Variants in FMNL2 observed in about 807,000 individuals in gnomAD.
The protein encoded by FMNL2 is formin like 2.
FMNL2 carries 51 observed loss-of-function variants against 130.2 expected under a neutral mutation model. The ratio of observed to expected loss-of-function variants is 0.39; its 90% CI spans 0.31 to 0.49. The LOEUF (loss-of-function observed/expected upper bound fraction) is 0.49, where lower values mean the gene tolerates loss of function less well. FMNL2 is among the 20% of genes least tolerant of loss of function. FMNL2 has a pLI of 0.85. For synonymous variants in FMNL2, 465 were observed against 467.1 expected (o/e 1.00, Z 0.06); for missense variants, 977 against 1,316.2 (o/e 0.74, Z 3.99).
At chr2:152,353,978 C>A (rs561819479) in intron 1 of FMNL2, among the ~76,000 whole-genome samples, 3 of 152,170 alleles carry the variant, frequency 2.0e-5, no homozygotes, top group Non-Finnish European at 4.4e-5. Flanking sequence ...TACCTACTGA[C>A]CTTCTGTGAT....
chr2:152,436,748 T>C (rs190700650), intron 1 of FMNL2, among the ~76,000 whole-genome samples: 25 of 152,186 alleles, frequency 1.6e-4, no homozygotes, highest in African/African-American at 5.8e-4. Flanking sequence ...CATCTAGTAA[T>C]TGATAGAAAT....
chr2:152,448,848 T>G (rs1688490044), intron 1 of FMNL2, among the ~76,000 whole-genome samples: 2 of 152,256 alleles, frequency 1.3e-5, no homozygotes, highest in African/African-American at 4.8e-5. Flanking sequence ...GCTGATTACA[T>G]GCGTGTGTCC....
intron 4 of FMNL2, 81 bp downstream of exon 4, chr2:152,549,178 G>T: frequency 1.1e-6 from 1 of 932,290 alleles, no homozygotes; most frequent in Non-Finnish European, 1.6e-6. Flanking sequence ...AAAGAATTGA[G>T]CTTCCTTATG....
rs76669193 is a variant in FMNL2 at position 152,589,306 on chromosome 2, T to TA, written c.876+8264dup. ...CTCTATTTTAAATGTAGCAGCCACT[T>TA]AAAAAAACAAACAAAAAAAACAACA... On this transcript the variant is annotated intron_variant, in intron 9 of 25. Coordinates refer to ENST00000288670, the MANE Select transcript of FMNL2 (RefSeq NM_052905.4). Among the ~76,000 whole-genome samples, 1,458 of 141,360 alleles carry TA rather than the reference T, an allele frequency of 0.01. 72 individuals are homozygous for TA. The East Asian group carries it at 0.12, about 12-fold the overall frequency. 92.7% of individuals were successfully genotyped at this position (141,360 alleles called of 152,430 possible). A position where few individuals can be genotyped will look rare whatever the true frequency, so the allele number is the denominator to read the frequency against.
intron 1 of FMNL2, among the ~76,000 whole-genome samples, chr2:152,492,553 C>G (rs1691272934): frequency 6.6e-6 from 1 of 152,008 alleles, no homozygotes; most frequent in Non-Finnish European, 1.5e-5. Context: ...GCATTTTTAT[C>G]TAAGGCTTTG....
intron 15 of FMNL2, chr2:152,625,150 C>T (rs1341679993): frequency 1.2e-5 from 4 of 332,906 alleles, no homozygotes; most frequent in African/African-American, 8.1e-5. Context: ...AATATTGTAA[C>T]TGTAATGCAG....
intron 1 of FMNL2, among the ~76,000 whole-genome samples, chr2:152,440,567 C>T (rs1470895370): frequency 2.0e-5 from 3 of 152,092 alleles, no homozygotes; most frequent in African/African-American, 4.8e-5. Flanking sequence ...GTGTCTTCAC[C>T]GGATTCAATT....
At chr2:152,436,159 C>CT (rs1432617931) in intron 1 of FMNL2, among the ~76,000 whole-genome samples, 2 of 151,642 alleles carry the variant, frequency 1.3e-5, no homozygotes, top group African/African-American at 2.4e-5. Context: ...CACCCCATTG[C>CT]TTTTTTTATT....
chr2:152,410,138 T>C (rs1686203402), intron 1 of FMNL2, among the ~76,000 whole-genome samples: 1 of 152,220 alleles, frequency 6.6e-6, no homozygotes, highest in African/African-American at 2.4e-5. Context: ...ATTTCATCTT[T>C]CAGCCTTCAG....
At chr2:152,547,482 G>T (rs905337467) in intron 3 of FMNL2, among the ~76,000 whole-genome samples, 5 of 152,164 alleles carry the variant, frequency 3.3e-5, no homozygotes, top group African/African-American at 1.2e-4. Context: ...ATTGTCTTGG[G>T]AATGGCATTT....
chr2:152,402,767 C>A (rs928263925), intron 1 of FMNL2, among the ~76,000 whole-genome samples: 1 of 152,140 alleles, frequency 6.6e-6, no homozygotes, highest in Non-Finnish European at 1.5e-5. Context: ...TATCTAGTTT[C>A]CCCCATTATT....
At chr2:152,613,067 G>GAAT (rs1698769037) in intron 11 of FMNL2, among the ~76,000 whole-genome samples, 1 of 152,208 alleles carries the variant, frequency 6.6e-6, no homozygotes, top group African/African-American at 2.4e-5. Flanking sequence ...GGCTGCCCTT[G>GAAT]AATAGATGGG....
At chr2:152,607,846 G>C (rs1302535315) in intron 10 of FMNL2, among the ~76,000 whole-genome samples, 2 of 152,104 alleles carry the variant, frequency 1.3e-5, no homozygotes, top group Admixed American at 6.5e-5. Context: ...TTGTAGAGTT[G>C]ACTGTATGTA....
At chr2:152,546,241 G>A (rs965925766) in intron 3 of FMNL2, among the ~76,000 whole-genome samples, 2 of 152,140 alleles carry the variant, frequency 1.3e-5, no homozygotes, top group Non-Finnish European at 2.9e-5. Context: ...TAATTTATGA[G>A]GAAAACAGGT....
At chr2:152,527,739 T>A (rs924405677) in intron 2 of FMNL2, among the ~76,000 whole-genome samples, 1 of 152,180 alleles carries the variant, frequency 6.6e-6, no homozygotes, top group African/African-American at 2.4e-5. Flanking sequence ...TGATCACTTC[T>A]TTGATCTATG....
At chr2:152,614,824 C>G (rs764884054) in intron 11 of FMNL2, 27 bp from the exon 12 acceptor site, 2 of 1,575,878 alleles carry the variant, frequency 1.3e-6, no homozygotes, top group Non-Finnish European at 1.7e-6. Context: ...GAGCTAACAC[C>G]ACGTTCTCTC....
intron 2 of FMNL2, among the ~76,000 whole-genome samples, chr2:152,539,783 CT>C (rs1694200932): frequency 6.6e-6 from 1 of 152,166 alleles, no homozygotes; most frequent in East Asian, 1.9e-4. Flanking sequence ...TGAAAAAAAG[CT>C]GCCTTTACTG....
At chr2:152,631,756 C>G (rs921323010) in intron 20 of FMNL2, among the ~76,000 whole-genome samples, 4 of 152,178 alleles carry the variant, frequency 2.6e-5, no homozygotes, top group Admixed American at 6.5e-5. Flanking sequence ...AGCTGCGAAT[C>G]ATTCTTAGGT....
At chr2:152,645,774 C>T (rs946857233) in intron 25 of FMNL2, among the ~76,000 whole-genome samples, 3 of 152,272 alleles carry the variant, frequency 2.0e-5, no homozygotes, top group Non-Finnish European at 2.9e-5. Context: ...GGCTGTCCTT[C>T]CCTTACCCCT....
Sources: gnomAD v4.1 joint callset for allele counts (sites outside exome capture counted in the v4.1 genomes callset) on GRCh38, gnomAD v4.1.1 for gene constraint, MANE v1.5 for transcripts, NCBI Gene and HGNC (gene_info 2026-07-23, HGNC 2026-07-21) for gene names.